Variants in KIAA1549L observed in about 807,000 individuals in gnomAD.
The protein encoded by KIAA1549L is KIAA1549 like.
In KIAA1549L, 88 loss-of-function variants were observed where a neutral mutation model predicts 160.7. That is an observed-to-expected ratio of 0.55 (90% CI 0.46 to 0.65). The LOEUF (loss-of-function observed/expected upper bound fraction) is 0.65, where lower values mean the gene tolerates loss of function less well. Among genes scored for constraint, KIAA1549L ranks in the 30% least tolerant of loss-of-function variants. The pLI is 0.00. For synonymous variants in KIAA1549L, 950 were observed against 976.7 expected (o/e 0.97, Z 0.51); for missense variants, 2,258 against 2,437.5 (o/e 0.93, Z 1.55).
intron 13 of KIAA1549L, among the ~76,000 whole-genome samples, chr11:33,603,528 C>T (rs1178394651): frequency 8.6e-5 from 13 of 151,822 alleles, no homozygotes; most frequent in Non-Finnish European, 1.3e-4. Flanking sequence ...CACTGTGGGC[C>T]GGGCACGATG....
intron 20 of KIAA1549L, chr11:33,665,508 C>T (rs530282088): frequency 5.1e-4 from 78 of 152,392 alleles, no homozygotes; most frequent in African/African-American, 1.7e-3. Context: ...TGCTGGTTGT[C>T]CCATAGTCTC....
At chr11:33,641,482 T>A (rs1299851718) in intron 16 of KIAA1549L, among the ~76,000 whole-genome samples, 3 of 150,750 alleles carry the variant, frequency 2.0e-5, no homozygotes, top group African/African-American at 7.3e-5. Context: ...ATAAGGTAGA[T>A]TATCTCAATA....
At chr11:33,657,394 G>C (rs1261012381) in intron 18 of KIAA1549L, among the ~76,000 whole-genome samples, 1 of 152,144 alleles carries the variant, frequency 6.6e-6, no homozygotes, top group Non-Finnish European at 1.5e-5. Context: ...CACATATCGG[G>C]GGTGGGGGGT....
At chr11:33,564,197 C>A (rs1319946914) in intron 8 of KIAA1549L, among the ~76,000 whole-genome samples, 5 of 152,100 alleles carry the variant, frequency 3.3e-5, no homozygotes, top group Non-Finnish European at 7.4e-5. Context: ...CCTTCTGAAC[C>A]CCTGGGTAGC....
At chr11:33,550,346 T>TAAA (rs11398265) in intron 4 of KIAA1549L, among the ~76,000 whole-genome samples, 1 of 147,086 alleles carries the variant, frequency 6.8e-6, no homozygotes. Flanking sequence ...CAAAACAAAT[T>TAAA]AAAAAAAAAC....
At chr11:33,411,115 C>T (rs1019785104) in intron 1 of KIAA1549L, among the ~76,000 whole-genome samples, 1 of 152,092 alleles carries the variant, frequency 6.6e-6, no homozygotes, top group African/African-American at 2.4e-5. Flanking sequence ...ACCAGGTGTT[C>T]CCAAATGCTG....
chr11:33,379,270 C>G (rs1425438236), intron 1 of KIAA1549L, among the ~76,000 whole-genome samples: 1 of 152,154 alleles, frequency 6.6e-6, no homozygotes, highest in Non-Finnish European at 1.5e-5. Flanking sequence ...GCAGTGTGTT[C>G]CCAGTCTACT....
intron 1 of KIAA1549L, among the ~76,000 whole-genome samples, chr11:33,504,449 C>A (rs975541884): frequency 2.6e-5 from 4 of 151,856 alleles, no homozygotes; most frequent in African/African-American, 4.8e-5. Flanking sequence ...CCCTTCCCTT[C>A]CCTTCCCTTC....
rs192692869 is a variant in KIAA1549L, at chr11:33,658,674, C to G, written c.5859-76C>G. The G allele has an allele frequency of 4.1e-6, 6 of 1,455,144 alleles. No individual in the cohort carries two copies. In the Admixed American group the frequency reaches 1.2e-4, roughly 29 times the overall value. 90.1% of individuals were successfully genotyped at this position (1,455,144 alleles called of 1,614,324 possible). Reference sequence around the variant, plus strand: ...GGCAGCTGTCCATGCCCAAAGGTGACGGGGCGCACTCCTCCTGCTCGGGAC... The same window carrying G: ...GGCAGCTGTCCATGCCCAAAGGTGAGGGGGCGCACTCCTCCTGCTCGGGAC... On this transcript the variant is annotated intron_variant, in intron 18 of 20. Coordinates refer to ENST00000658780, the MANE Select transcript of KIAA1549L (RefSeq NM_012194.3).
rs1038914142 is a variant in KIAA1549L, at chr11:33,645,966, G to A, written c.5690G>A (p.Arg1897Gln). 2.0e-5 allele frequency: 32 copies of A among 1,612,074 alleles called. No individual in the cohort carries two copies. Among genetic ancestry groups the A allele is most frequent in the East Asian group, 6.7e-5 (3 of 44,762 alleles). ...VVTSAPGTMT[R>Q]PRAGVQWVPT... ...ACCAGCGCTCCGGGGACCATGACGC[G>A]GCCCAGGGCCGGGGTGCAGTGGGTG... Residue 1897 changes from arginine to glutamine, a missense_variant, in exon 17 of 21, where the codon CGG becomes CAG. Physicochemically the swap from Arg to Gln is conservative, Grantham distance 43. This residue lies in a region of KIAA1549L where 1,359 missense variants were observed against 1,546.6 expected (regional missense o/e 0.88). Transcript: ENST00000658780.
At chr11:33,467,127 T>C (rs748935131) in intron 1 of KIAA1549L, among the ~76,000 whole-genome samples, 1 of 151,916 alleles carries the variant, frequency 6.6e-6, no homozygotes, top group Non-Finnish European at 1.5e-5. Context: ...ATAAGAAAAA[T>C]ATGGTTAACT....
At chr11:33,502,164 C>T (rs1852965488) in intron 1 of KIAA1549L, among the ~76,000 whole-genome samples, 1 of 152,198 alleles carries the variant, frequency 6.6e-6, no homozygotes, top group South Asian at 2.1e-4. Context: ...CCTCTTGTTA[C>T]ACCAGTGATT....
intron 16 of KIAA1549L, among the ~76,000 whole-genome samples, chr11:33,636,528 A>G (rs11600553): frequency 1.3e-5 from 2 of 151,936 alleles, no homozygotes; most frequent in South Asian, 4.2e-4. Context: ...ATGGGGTTTC[A>G]CCATGTTGGC....
intron 15 of KIAA1549L, among the ~76,000 whole-genome samples, chr11:33,615,415 T>C: frequency 6.6e-6 from 1 of 152,220 alleles, no homozygotes. Flanking sequence ...TTCTCAAGTT[T>C]GTATGCTTCA....
intron 1 of KIAA1549L, among the ~76,000 whole-genome samples, chr11:33,486,864 C>T (rs767682782): frequency 6.6e-5 from 10 of 152,144 alleles, no homozygotes; most frequent in Non-Finnish European, 1.3e-4. Context: ...GTATTCTCAG[C>T]GTTGTTCTAC....
chr11:33,620,276 A>T (rs190027800), intron 16 of KIAA1549L, among the ~76,000 whole-genome samples: 1 of 152,210 alleles, frequency 6.6e-6, no homozygotes, highest in Admixed American at 6.5e-5. Flanking sequence ...TACCAAGTAC[A>T]TGTTACTTTA....
intron 13 of KIAA1549L, among the ~76,000 whole-genome samples, chr11:33,603,892 G>A (rs944392920): frequency 1.5e-4 from 23 of 152,114 alleles, no homozygotes; most frequent in African/African-American, 5.6e-4. Flanking sequence ...CAGCAAGGGG[G>A]CCAGCATTAG....
intron 6 of KIAA1549L, 46 bp downstream of exon 6, chr11:33,552,287 A>G: frequency 6.4e-7 from 1 of 1,569,284 alleles, no homozygotes; most frequent in East Asian, 2.3e-5. Flanking sequence ...AGACAACCAC[A>G]ATGCAGAGTC....
chr11:33,583,179 C>G lies in KIAA1549L; in HGVS notation c.4403-159C>G, dbSNP rs1855697299. Among the ~76,000 whole-genome samples, 4 of 152,184 alleles carry G rather than the reference C, an allele frequency of 2.6e-5. 1 individual carries two copies. The highest frequency in any genetic ancestry group is 2.6e-4 in the Admixed American group (4 of 15,276). The stretch of plus-strand genomic sequence containing the variant: ...GGAGCTTAAGCCACTTGCCCAAGGT[C>G]ACACAGCTGCGGAGGTGGAGGCTTT... On this transcript the variant is annotated intron_variant, in intron 10 of 20. Transcript: ENST00000658780.
Sources: allele counts gnomAD v4.1 joint callset (sites outside exome capture counted in the v4.1 genomes callset), GRCh38; gene constraint gnomAD v4.1.1; regional missense constraint gnomAD v4.1.1; transcripts MANE v1.5; gene names NCBI Gene and HGNC (gene_info 2026-07-23, HGNC 2026-07-21).